PRMT2: variants seen among roughly 807,000 people sequenced by gnomAD.
PRMT2 encodes the protein protein arginine methyltransferase 2.
Under a neutral mutation model 57.6 loss-of-function variants are expected in PRMT2, and 26 were observed. The observed-to-expected ratio is 0.45, with a 90% CI of 0.33 to 0.63. PRMT2 has a LOEUF of 0.63. PRMT2 is among the 20% of genes least tolerant of loss of function. The pLI is 0.02. For missense variants in PRMT2, 472 were observed against 564.4 expected (o/e 0.84, Z 1.66); for synonymous variants, 219 against 220.0 (o/e 1.00, Z 0.04).
chr21:46,641,153 A>C (rs1323362128), intron 3 of PRMT2, among the ~76,000 whole-genome samples: 1 of 148,966 alleles, frequency 6.7e-6, no homozygotes, highest in Non-Finnish European at 1.5e-5. Context: ...GTATTCTTCA[A>C]CCCTGGCATT....
At chr21:46,637,789 G>GTA (rs1161316150) in intron 3 of PRMT2, among the ~76,000 whole-genome samples, 65 of 151,190 alleles carry the variant, frequency 4.3e-4, no homozygotes, top group African/African-American at 1.1e-3. Flanking sequence ...GTGTGTGTGT[G>GTA]TATATATATA....
At position 46,640,510 on chromosome 21, in the gene PRMT2, C is replaced by G. The variant is rs1004636625; in HGVS notation, c.40-3025C>G. On this transcript the variant is annotated intron_variant, in intron 3 of 11. Transcript: ENST00000355680. ...AGGCTGGAGTGCAGTGATGCGATCT[C>G]GGCTCACTGCAAGCTCCGCCTCCTG... is the stretch of plus-strand genomic sequence containing the variant. 7.5e-4 allele frequency among the ~76,000 whole-genome samples: 110 copies of G among 147,046 alleles called. 2 individuals are homozygous for G. The highest frequency in any genetic ancestry group is 2.7e-3 in the African/African-American group (109 of 39,646).
At chr21:46,659,172 T>C in intron 8 of PRMT2, 6 of 1,227,694 alleles carry the variant, frequency 4.9e-6, no homozygotes, top group Non-Finnish European at 6.1e-6. Flanking sequence ...GCATTACGAT[T>C]AGGAGGGAGT....
In PRMT2 at chr21:46,664,532, C is replaced by G. The variant is rs945939022; in HGVS notation, c.*205C>G. On this transcript the variant is annotated 3_prime_UTR_variant, in exon 12 of 12. Transcript: ENST00000355680. ...CTCGGCAGGAGCTGCCGTGGCCACC[C>G]CCGCTGCCCAGTGTCTGCCCTCTAG... The G allele has an allele frequency of 1.5e-6, 1 of 645,492 alleles. No homozygotes were observed. The highest frequency in any genetic ancestry group is 2.8e-6 in the Non-Finnish European group (1 of 362,646). 40.0% of individuals were successfully genotyped at this position (645,492 alleles called of 1,614,324 possible). A position where few individuals can be genotyped will look rare whatever the true frequency, so the allele number is the denominator to read the frequency against.
Position 46,659,143 on chromosome 21 carries a change from T to G in PRMT2, c.830+223T>G, listed in dbSNP as rs1400439216. The G allele has an allele frequency of 3.2e-6, 4 of 1,263,370 alleles. No individual in the cohort carries two copies. The African/African-American group carries it at 6.1e-5, about 19-fold the overall frequency. 78.3% of individuals were successfully genotyped at this position (1,263,370 alleles called of 1,614,324 possible). ...GGGTAGAATGCAAGGAACAAAAATT[T>G]TCGTATGTGAAAAAGGTGGCATTAC... On this transcript the variant is annotated intron_variant, in intron 8 of 11. Transcript: ENST00000355680.
At chr21:46,655,728 A>G (rs1033013448) in intron 7 of PRMT2, among the ~76,000 whole-genome samples, 4 of 152,234 alleles carry the variant, frequency 2.6e-5, no homozygotes, top group Admixed American at 6.5e-5. Flanking sequence ...AGTAGCTTCA[A>G]AAATATGAAA....
chr21:46,662,566 G>GGGGAGGTGGGCAGCT (rs1569166299), intron 10 of PRMT2, among the ~76,000 whole-genome samples: 1 of 152,208 alleles, frequency 6.6e-6, no homozygotes, highest in Non-Finnish European at 1.5e-5. Flanking sequence ...CCATCACCGG[G>GGGGAGGTGGGCAGCT]TGGAGGTGGG....
intron 7 of PRMT2, among the ~76,000 whole-genome samples, chr21:46,655,755 A>C (rs2082952315): frequency 6.6e-6 from 1 of 152,234 alleles, no homozygotes; most frequent in Non-Finnish European, 1.5e-5. Context: ...GAAATCTAAC[A>C]AAATGTGATC....
At chr21:46,641,827 G>A (rs2061281709) in intron 3 of PRMT2, among the ~76,000 whole-genome samples, 2 of 152,000 alleles carry the variant, frequency 1.3e-5, no homozygotes, top group South Asian at 4.1e-4. Context: ...GTTAGTAAGG[G>A]TTGCCTGGGC....
intron 3 of PRMT2, chr21:46,643,170 C>T (rs76687399): frequency 0.059 from 9,291 of 158,608 alleles, 365 homozygotes; most frequent in Non-Finnish European, 0.082. Context: ...CTGCCTGGGG[C>T]GCTGGGCCCC....
intron 7 of PRMT2, chr21:46,658,517 ATGGG>A: frequency 1.6e-6 from 1 of 630,016 alleles, no homozygotes. Flanking sequence ...CATAGTTCTA[ATGGG>A]AAATTATGTG....
chr21:46,663,266 C>T (rs1012542458), intron 10 of PRMT2, 117 bp from the exon 11 acceptor site: 12 of 1,000,640 alleles, frequency 1.2e-5, no homozygotes, highest in African/African-American at 1.1e-4. Context: ...GGTGGACTGC[C>T]GGCTGTGTGG....
At chr21:46,661,169 C>T (rs952652470) in intron 9 of PRMT2, 1 of 470,694 alleles carries the variant, frequency 2.1e-6, no homozygotes, top group East Asian at 3.7e-5. Flanking sequence ...TATTTTGATT[C>T]TTTCATATTG....
At position 46,649,581 on chromosome 21, in the gene PRMT2, G is replaced by A. The variant is rs749531145; in HGVS notation, c.496G>A (p.Ala166Thr). 10 of 1,613,950 alleles carry A rather than the reference G, an allele frequency of 6.2e-6. No individual in the cohort carries two copies. Among genetic ancestry groups the A allele is most frequent in the South Asian group, 2.2e-5 (2 of 91,076 alleles). ...AHYARPRAVY[A>T]VEASEMAQHT... ...GGTGCCTCTGCTGCTGCAGGTGTAC[G>A]CGGTGGAGGCCAGTGAGATGGCACA... Residue 166 changes from alanine to threonine, a missense_variant, in exon 7 of 12, where the codon GCG (alanine) becomes ACG (threonine). Ala to Thr is a moderately conservative substitution (Grantham distance 58). Around this residue, in one of 2 missense-constraint regions of PRMT2, gnomAD observed 243 missense variants for 347.2 expected, o/e 0.70. Transcript: ENST00000355680. This position sits in a 1 kb window ranked among gnomAD's most constrained non-coding sequence, Gnocchi z 4.8.
At chr21:46,643,475 CAAAAAAA>C (rs34541039) in intron 3 of PRMT2, 53 bp from the exon 4 acceptor site, 3 of 1,232,982 alleles carry the variant, frequency 2.4e-6, no homozygotes, top group Non-Finnish European at 2.0e-6. Context: ...ATAATATAGC[CAAAAAAA>C]AAAAAAAAAA....
rs1270604092 is a variant in PRMT2, at chr21:46,663,308, T to A, written c.1098-75T>A. 9.5e-6 allele frequency: 14 copies of A among 1,471,770 alleles called. No homozygotes were observed. The Admixed American group carries it at 2.6e-4, about 27-fold the overall frequency. 91.2% of individuals were successfully genotyped at this position (1,471,770 alleles called of 1,614,324 possible). A position where few individuals can be genotyped will look rare whatever the true frequency, so the allele number is the denominator to read the frequency against. ...TTGGGGGCGAGAGCCAGTGCGAGCC[T>A]GAGTCAGCGCCCCGAGGGCCATGTG... On this transcript the variant is annotated intron_variant, in intron 10 of 11. Transcript: ENST00000355680.
At position 46,636,877 on chromosome 21, in the gene PRMT2, C is replaced by T; in HGVS notation, c.-56-19C>T. On this transcript the variant is annotated intron_variant, in intron 2 of 11. Coordinates refer to ENST00000355680, the MANE Select transcript of PRMT2 (RefSeq NM_206962.4). ...CAATGTAACAAGTACTTTGTGTCTC[C>T]TTCTCTTTTTAAAAGTAGAAATGGA... The T allele has an allele frequency of 1.4e-6, 2 of 1,479,742 alleles. No homozygotes were observed. The highest frequency in any genetic ancestry group is 1.9e-6 in the Non-Finnish European group (2 of 1,078,650). The allele number at this position is 1,479,742 out of a possible 1,614,324, so 91.7% of individuals were successfully genotyped here. A position where few individuals can be genotyped will look rare whatever the true frequency, so the allele number is the denominator to read the frequency against.
chr21:46,648,333 C>T lies in PRMT2; in HGVS notation c.328-125C>T. On this transcript the variant is annotated intron_variant, in intron 5 of 11. Coordinates refer to ENST00000355680, the MANE Select transcript of PRMT2 (RefSeq NM_206962.4). This position sits in a 1 kb window ranked among gnomAD's most constrained non-coding sequence, Gnocchi z 4.8. ...GGTTGACAGTGATGTCCAGGCCTTC[C>T]ATAGTCTTCCATAGGGGTGTTGGGG... 2.1e-6 allele frequency: 2 copies of T among 950,998 alleles called. No homozygotes were observed. Among genetic ancestry groups the T allele is most frequent in the Non-Finnish European group, 3.1e-6 (2 of 640,842 alleles). The allele number at this position is 950,998 out of a possible 1,614,324, so 58.9% of individuals were successfully genotyped here.
intron 8 of PRMT2, chr21:46,659,653 T>C (rs2061590830): frequency 2.0e-6 from 2 of 985,330 alleles, no homozygotes; most frequent in Admixed American, 1.2e-4. Context: ...TAGCCCAGGC[T>C]TGCCTGGCAG....
Sources: gnomAD v4.1 joint callset for allele counts (sites outside exome capture counted in the v4.1 genomes callset) on GRCh38, gnomAD v4.1.1 for gene constraint, gnomAD v4.1.1 regional missense constraint, Gnocchi (gnomAD v3.1) non-coding constraint, MANE v1.5 for transcripts, NCBI Gene and HGNC (gene_info 2026-07-23, HGNC 2026-07-21) for gene names.